The following NCOA5 variants were observed in gnomAD, a reference collection of about 807,000 sequenced individuals.
The protein encoded by NCOA5 is nuclear receptor coactivator 5, also known as NCoA-5.
Under a neutral mutation model 59.0 loss-of-function variants are expected in NCOA5, and 12 were observed. That is an observed-to-expected ratio of 0.20 (90% CI 0.13 to 0.33). The LOEUF (loss-of-function observed/expected upper bound fraction) is 0.33. Ranked by LOEUF, NCOA5 falls within the 10% of genes least tolerant of loss-of-function variation. The pLI, the probability that NCOA5 is intolerant of heterozygous loss-of-function variation, is 1.00. For missense variants in NCOA5, 655 were observed against 766.6 expected (o/e 0.85, Z 1.72); for synonymous variants, 270 against 275.5 (o/e 0.98, Z 0.20).
intron 2 of NCOA5, among the ~76,000 whole-genome samples, chr20:46,070,892 C>A (rs1037305077): frequency 7.9e-5 from 12 of 151,684 alleles, no homozygotes; most frequent in Non-Finnish European, 1.6e-4. Context: ...AGGCAAGACT[C>A]ATGAAGAAAA....
intron 2 of NCOA5, among the ~76,000 whole-genome samples, chr20:46,077,811 A>C (rs925956064): frequency 6.6e-6 from 1 of 152,216 alleles, no homozygotes; most frequent in Non-Finnish European, 1.5e-5. Context: ...CCTGTATTCC[A>C]TTCTGTGCTG....
chr20:46,086,257 C>T (rs2085044378), intron 1 of NCOA5, among the ~76,000 whole-genome samples: 1 of 152,182 alleles, frequency 6.6e-6, no homozygotes, highest in South Asian at 2.1e-4. Context: ...TGATCCTTGC[C>T]TAAAGTTGTC....
At chr20:46,087,415 T>C (rs2085055990) in intron 1 of NCOA5, among the ~76,000 whole-genome samples, 1 of 152,240 alleles carries the variant, frequency 6.6e-6, no homozygotes, top group African/African-American at 2.4e-5. Flanking sequence ...AAAATGAAGT[T>C]TCAAACCAAT....
intron 1 of NCOA5, among the ~76,000 whole-genome samples, chr20:46,085,911 T>G (rs1311979676): frequency 6.6e-6 from 1 of 152,188 alleles, no homozygotes; most frequent in Non-Finnish European, 1.5e-5. Flanking sequence ...ATTCAAAATA[T>G]TGCCCATTTT....
chr20:46,079,557 C>T (rs1045585290), intron 1 of NCOA5, 104 bp from the exon 2 acceptor site: 5 of 947,492 alleles, frequency 5.3e-6, no homozygotes, highest in Non-Finnish European at 6.5e-6. Flanking sequence ...CAATGACAAC[C>T]AGATGGTGTA....
Position 46,063,343 on chromosome 20 carries a change from C to T in NCOA5, c.1150+17G>A. On this transcript the variant is annotated intron_variant, in intron 7 of 7. Transcript: ENST00000290231. ...TGCAGAGTCAGAACTTCACCTCGGCCCTGCCACGTAGCTCACCAGGCAGAG... is the reference window on the plus strand; with the variant it reads ...TGCAGAGTCAGAACTTCACCTCGGCTCTGCCACGTAGCTCACCAGGCAGAG... 1 of 1,607,798 alleles carries T rather than the reference C, an allele frequency of 6.2e-7. No homozygotes were observed. The highest frequency in any genetic ancestry group is 8.5e-7 in the Non-Finnish European group (1 of 1,179,052).
At chr20:46,075,625 T>G (rs2084929561) in intron 2 of NCOA5, among the ~76,000 whole-genome samples, 1 of 152,176 alleles carries the variant, frequency 6.6e-6, no homozygotes, top group Non-Finnish European at 1.5e-5. Flanking sequence ...AGAAGTACAG[T>G]CTTACTTCTT....
chr20:46,071,310 G>A (rs2084880490), intron 2 of NCOA5, among the ~76,000 whole-genome samples: 1 of 152,108 alleles, frequency 6.6e-6, no homozygotes, highest in African/African-American at 2.4e-5. Context: ...AACCCCATCA[G>A]TCCCATTCCC....
In NCOA5 at chr20:46,070,339, C is replaced by T. The variant is rs986332115; in HGVS notation, c.236G>A (p.Arg79His). 33 of 1,613,726 alleles carry T rather than the reference C, an allele frequency of 2.0e-5. No homozygotes were observed. The highest frequency in any genetic ancestry group is 1.2e-4 in the Admixed American group (7 of 59,984). The change falls in exon 3 of 8, where the codon CGC (arginine) becomes CAC (histidine). Residue 79 changes from arginine to histidine, a missense_variant. By Grantham distance (29) the Arg-to-His change is conservative. This residue lies in a region of NCOA5 where 250 missense variants were observed against 260.1 expected (regional missense o/e 0.96). Transcript: ENST00000290231. ...LRDHRDSRSV[R>H]DVRDVRDLRD... ...AAGATCCCTCACGTCCCGAACGTCGCGCACACTCCTGCTGTCTCTGTGATC... is the reference window on the plus strand; with the variant it reads ...AAGATCCCTCACGTCCCGAACGTCGTGCACACTCCTGCTGTCTCTGTGATC...
chr20:46,089,715 T>G (rs2085082208), intron 1 of NCOA5, 102 bp downstream of exon 1: 1 of 151,800 alleles, frequency 6.6e-6, no homozygotes, highest in Non-Finnish European at 1.5e-5. Flanking sequence ...GCGCGTCGAG[T>G]GGGCCTTCCC....
chr20:46,065,717 T>G (rs1227988515), intron 5 of NCOA5, among the ~76,000 whole-genome samples: 1 of 152,198 alleles, frequency 6.6e-6, no homozygotes, highest in Middle Eastern at 3.2e-3. Flanking sequence ...TCATACGTCA[T>G]TTTTTTGACC....
chr20:46,065,879 A>T (rs1228630414), intron 5 of NCOA5, among the ~76,000 whole-genome samples: 3 of 152,188 alleles, frequency 2.0e-5, no homozygotes, highest in African/African-American at 7.2e-5. Flanking sequence ...CGTATAAAAG[A>T]TTTGCTGAAT....
chr20:46,072,284 T>C (rs2084890612), intron 2 of NCOA5, among the ~76,000 whole-genome samples: 1 of 152,180 alleles, frequency 6.6e-6, no homozygotes, highest in African/African-American at 2.4e-5. Context: ...TCTACAGTGA[T>C]CTGTTACGTA....
chr20:46,066,986 G>T (rs1600618784), intron 5 of NCOA5, 69 bp downstream of exon 5: 5 of 1,553,464 alleles, frequency 3.2e-6, no homozygotes, highest in Non-Finnish European at 2.6e-6. Flanking sequence ...GTGGATAGAG[G>T]TGCTAAACAG....
At chr20:46,086,109 C>G (rs140845922) in intron 1 of NCOA5, among the ~76,000 whole-genome samples, 1 of 152,160 alleles carries the variant, frequency 6.6e-6, no homozygotes, top group Non-Finnish European at 1.5e-5. Context: ...AAACTTCTAT[C>G]AAAAGGGATC....
At position 46,061,324 on chromosome 20, in the gene NCOA5, T is replaced by A. The variant is rs1174324880; in HGVS notation, c.*976A>T. 4 of 152,600 alleles carry A rather than the reference T, an allele frequency of 2.6e-5. No homozygotes were observed. The highest frequency in any genetic ancestry group is 5.9e-5 in the Non-Finnish European group (4 of 68,056). 9.5% of individuals were successfully genotyped at this position (152,600 alleles called of 1,614,324 possible). A position where few individuals can be genotyped will look rare whatever the true frequency, so the allele number is the denominator to read the frequency against. The stretch of plus-strand genomic sequence containing the variant: ...TAACAATTTCACTCTGGTACAAAAG[T>A]CGCGAACAGCCACCCATCTCGAGAA... On this transcript the variant is annotated 3_prime_UTR_variant, in exon 8 of 8. Transcript: ENST00000290231.
chr20:46,088,213 CTG>C (rs752323437), intron 1 of NCOA5, among the ~76,000 whole-genome samples: 10 of 152,156 alleles, frequency 6.6e-5, no homozygotes, highest in Non-Finnish European at 1.3e-4. Context: ...ATTGAGCAAA[CTG>C]AATCTAGAAA....
rs368190656 is a variant in NCOA5 at position 46,077,381 on chromosome 20, C to T, written c.38+2006G>A. 3.3e-5 allele frequency among the ~76,000 whole-genome samples: 5 copies of T among 152,248 alleles called. No individual in the cohort carries two copies. In the South Asian group the frequency reaches 6.2e-4, roughly 19 times the overall value. On this transcript the variant is annotated intron_variant, in intron 2 of 7. Coordinates refer to ENST00000290231, the MANE Select transcript of NCOA5 (RefSeq NM_020967.3). ...TTTCAACCAGGGAAGTTGGTCATTC[C>T]CCAACACTGCAATGTTTGTTGAATA...
intron 3 of NCOA5, among the ~76,000 whole-genome samples, chr20:46,069,503 A>AG (rs2084858625): frequency 6.6e-6 from 1 of 152,194 alleles, no homozygotes; most frequent in Non-Finnish European, 1.5e-5. Context: ...TGGGAAGCCA[A>AG]GGCGGGAGGA....
Sources: allele counts gnomAD v4.1 joint callset (sites outside exome capture counted in the v4.1 genomes callset), GRCh38; gene constraint gnomAD v4.1.1; regional missense constraint gnomAD v4.1.1; transcripts MANE v1.5; gene names NCBI Gene and HGNC (gene_info 2026-07-23, HGNC 2026-07-21).